Variants in DLC1 observed in about 807,000 individuals in gnomAD.
DLC1 encodes rho GTPase-activating protein 7.
DLC1 carries 54 observed loss-of-function variants against 140.3 expected under a neutral mutation model. The ratio of observed to expected loss-of-function variants is 0.38; its 90% CI spans 0.31 to 0.48. The LOEUF (loss-of-function observed/expected upper bound fraction) is 0.48. Among genes scored for constraint, DLC1 ranks in the 20% least tolerant of loss-of-function variants. The pLI is 0.96. For missense variants in DLC1, 2,536 were observed against 1,907.0 expected (o/e 1.33, Z -6.14); for synonymous variants, 986 against 728.1 (o/e 1.35, Z -5.70).
chr8:13,588,008 C>A (rs1805388958), intron 1 of DLC1, among the ~76,000 whole-genome samples: 1 of 152,014 alleles, frequency 6.6e-6, no homozygotes, highest in African/African-American at 2.4e-5. Flanking sequence ...AAGTCATTGA[C>A]CTTTATTATA....
chr8:13,491,599 A>G (rs780074638), intron 2 of DLC1, among the ~76,000 whole-genome samples: 1 of 152,068 alleles, frequency 6.6e-6, no homozygotes, highest in Non-Finnish European at 1.5e-5. Context: ...AACATTTACT[A>G]CTCATCGTTT....
At position 13,591,386 on chromosome 8, in the gene DLC1, C is replaced by T. The variant is rs552400994; in HGVS notation, c.-126+13151G>A. Among the ~76,000 whole-genome samples, 168 of 152,146 alleles carry T rather than the reference C, an allele frequency of 1.1e-3. 1 individual carries two copies. The highest frequency in any genetic ancestry group is 3.8e-3 in the African/African-American group (157 of 41,510). On this transcript the variant is annotated intron_variant, in intron 1 of 1. Coordinates refer to the DLC1 transcript ENST00000631382. ...TCTTGTGATAGTGAGTGAGTTATCACGAGATCTGATGGTTTTACAAGCATC... is the reference window on the plus strand; with the variant it reads ...TCTTGTGATAGTGAGTGAGTTATCATGAGATCTGATGGTTTTACAAGCATC...
Position 13,581,146 on chromosome 8 carries a change from G to C in DLC1, c.-126+23391C>G, listed in dbSNP as rs149821640. ...GGAATTAAGACATCTGCATGCCTGG[G>C]AGATCTCATTCAGTCAGGGTCAAAT... On this transcript the variant is annotated intron_variant, in intron 1 of 1. Coordinates refer to the DLC1 transcript ENST00000631382. Among the ~76,000 whole-genome samples the C allele has an allele frequency of 8.9e-4, 136 of 152,322 alleles. 1 individual carries two copies. Among genetic ancestry groups the C allele is most frequent in the African/African-American group, 3.0e-3 (125 of 41,576 alleles).
intron 1 of DLC1, among the ~76,000 whole-genome samples, chr8:13,575,551 G>T (rs79573536): frequency 2.0e-5 from 3 of 152,114 alleles, no homozygotes; most frequent in Non-Finnish European, 4.4e-5. Context: ...CAGATATGGG[G>T]CAGAAGAGTG....
At chr8:13,558,927 T>C (rs1471516475) in intron 1 of DLC1, 1 of 152,218 alleles carries the variant, frequency 6.6e-6, no homozygotes, top group Non-Finnish European at 1.5e-5. Flanking sequence ...CTTTAGGGGA[T>C]GCTGCATTGA....
chr8:13,323,829 T>C (rs1308121357), intron 4 of DLC1, among the ~76,000 whole-genome samples: 2 of 152,228 alleles, frequency 1.3e-5, no homozygotes, highest in Non-Finnish European at 2.9e-5. Context: ...CTGGTGGTAT[T>C]ATTTCTTTTG....
chr8:13,229,838 T>A (rs749734618), intron 5 of DLC1, among the ~76,000 whole-genome samples: 54 of 152,324 alleles, frequency 3.5e-4, no homozygotes, highest in Non-Finnish European at 6.6e-4. Flanking sequence ...TGCGCTCAAA[T>A]TGGTGACCTG....
At chr8:13,433,463 T>G (rs1838978835) in intron 2 of DLC1, among the ~76,000 whole-genome samples, 1 of 152,214 alleles carries the variant, frequency 6.6e-6, no homozygotes, top group African/African-American at 2.4e-5. Flanking sequence ...AATGCCTGTC[T>G]CATATGTAAA....
intron 5 of DLC1, among the ~76,000 whole-genome samples, chr8:13,272,014 A>AATGAGACGCC (rs1830952042): frequency 6.6e-6 from 1 of 152,218 alleles, no homozygotes; most frequent in Non-Finnish European, 1.5e-5. Context: ...GACGTCACAT[A>AATGAGACGCC]TCTCAATCAG....
chr8:13,120,370 T>TATATATATATATATATATATATAA (rs369581778), intron 5 of DLC1, among the ~76,000 whole-genome samples: 2 of 110,868 alleles, frequency 1.8e-5, no homozygotes, highest in Admixed American at 1.1e-4. Context: ...TATATATATA[T>TATATATATATATATATATATATAA]AAAATGTATA....
chr8:13,257,981 T>A (rs932837585), intron 5 of DLC1, among the ~76,000 whole-genome samples: 7 of 152,202 alleles, frequency 4.6e-5, no homozygotes, highest in African/African-American at 1.7e-4. Flanking sequence ...TGAAATAAAA[T>A]ACATGTAAGT....
At chr8:13,173,168 T>C (rs1825575996) in intron 5 of DLC1, among the ~76,000 whole-genome samples, 1 of 152,166 alleles carries the variant, frequency 6.6e-6, no homozygotes, top group Non-Finnish European at 1.5e-5. Flanking sequence ...GCCCTATTTT[T>C]AAAGTTCCCC....
intron 2 of DLC1, among the ~76,000 whole-genome samples, chr8:13,448,075 A>G (rs1385513703): frequency 2.0e-5 from 3 of 152,192 alleles, no homozygotes; most frequent in African/African-American, 4.8e-5. Flanking sequence ...GCTGAAGAGT[A>G]TAATTTTTGA....
chr8:13,592,175 T>C (rs1295790837), intron 1 of DLC1, among the ~76,000 whole-genome samples: 1 of 152,038 alleles, frequency 6.6e-6, no homozygotes, highest in African/African-American at 2.4e-5. Flanking sequence ...ATTGGGCAAA[T>C]GGTAAAGGTC....
chr8:13,161,332 T>TTTTTG lies in DLC1; in HGVS notation c.1349-45680_1349-45676dup, dbSNP rs572371222. Reference sequence around the variant, plus strand: ...GGTGATCAGCGTCATTTGTGGGTTTTTTTTGTTTTGTTTTGTTTTGTTTGA... The same window carrying TTTTTG: ...GGTGATCAGCGTCATTTGTGGGTTTTTTTTGTTTTGTTTTGTTTTGTTTTGTTTGA... On this transcript the variant is annotated intron_variant, in intron 5 of 17. Transcript: ENST00000276297. Among the ~76,000 whole-genome samples the TTTTTG allele has an allele frequency of 5.9e-4, 89 of 151,978 alleles. 1 individual carries two copies. The East Asian group carries it at 0.014, about 24-fold the overall frequency.
chr8:13,308,741 T>C (rs923546291), intron 4 of DLC1, among the ~76,000 whole-genome samples: 6 of 152,140 alleles, frequency 3.9e-5, no homozygotes, highest in African/African-American at 1.4e-4. Context: ...CACTGGTGTG[T>C]CATTAAAAAG....
chr8:13,494,841 C>G (rs938313416), intron 2 of DLC1, among the ~76,000 whole-genome samples: 3 of 152,002 alleles, frequency 2.0e-5, no homozygotes, highest in Non-Finnish European at 4.4e-5. Flanking sequence ...ATCTCAGCTA[C>G]TAAGGAGGCT....
intron 5 of DLC1, among the ~76,000 whole-genome samples, chr8:13,149,585 C>A (rs903084495): frequency 2.6e-5 from 4 of 152,204 alleles, no homozygotes; most frequent in Non-Finnish European, 5.9e-5. Flanking sequence ...TCTATCCCGA[C>A]CCATCTGTAC....
chr8:13,178,287 G>A (rs906130778), intron 5 of DLC1, among the ~76,000 whole-genome samples: 1 of 152,120 alleles, frequency 6.6e-6, no homozygotes, highest in Non-Finnish European at 1.5e-5. Context: ...AATAGGCCGG[G>A]CGCGGTGGCT....
Sources: allele counts gnomAD v4.1 joint callset (sites outside exome capture counted in the v4.1 genomes callset), GRCh38; gene constraint gnomAD v4.1.1; transcripts MANE v1.5; gene names NCBI Gene and HGNC (gene_info 2026-07-23, HGNC 2026-07-21).